The following ROCK2 variants were observed in gnomAD, a reference collection of about 807,000 sequenced individuals.
ROCK2 encodes rho-associated protein kinase 2.
A neutral mutation model predicts 195.1 loss-of-function variants in ROCK2; 61 were observed. The observed-to-expected ratio is 0.31, with a 90% confidence interval of 0.25 to 0.39. The LOEUF is 0.39. Among genes scored for constraint, ROCK2 ranks in the 10% least tolerant of loss-of-function variants. The pLI is 1.00. For missense variants in ROCK2, 1,109 were observed against 1,637.4 expected, an observed-to-expected ratio of 0.68 and a Z score of 5.57; for synonymous variants, 504 against 545.5, an observed-to-expected ratio of 0.92 and a Z score of 1.06.
chr2:11,328,811 G>T (rs9798189), intron 1 of ROCK2, among the ~76,000 whole-genome samples: 33,302 of 150,940 alleles, frequency 0.22, 4,514 homozygotes, highest in East Asian at 0.54. Flanking sequence ...GTAAACTATC[G>T]CAAGGACAAA....
At chr2:11,230,551 G>T (rs560927500) in intron 5 of ROCK2, among the ~76,000 whole-genome samples, 3 of 152,114 alleles carry the variant, frequency 2.0e-5, no homozygotes, top group Non-Finnish European at 2.9e-5. Context: ...CAGGCAGGGG[G>T]TCGTATCAGA....
At chr2:11,270,246 A>G (rs1315377930) in intron 3 of ROCK2, among the ~76,000 whole-genome samples, 1 of 152,048 alleles carries the variant, frequency 6.6e-6, no homozygotes, top group Admixed American at 6.6e-5. Context: ...GTATAGGTAA[A>G]GTGTGGTTTG....
At chr2:11,286,154 G>T (rs987021760) in intron 3 of ROCK2, among the ~76,000 whole-genome samples, 3 of 145,278 alleles carry the variant, frequency 2.1e-5, no homozygotes, top group African/African-American at 7.4e-5. Context: ...TATGGCCTGC[G>T]AAAATAAATT....
chr2:11,255,702 T>C (rs965582163), intron 3 of ROCK2, among the ~76,000 whole-genome samples: 3 of 150,440 alleles, frequency 2.0e-5, no homozygotes, highest in Non-Finnish European at 2.9e-5. Context: ...AGCGGATCAC[T>C]TGAGGTCAGG....
chr2:11,200,267 T>A (rs1298030395), intron 23 of ROCK2, among the ~76,000 whole-genome samples: 3 of 152,354 alleles, frequency 2.0e-5, no homozygotes, highest in Admixed American at 2.0e-4. Flanking sequence ...TTCTGTCATA[T>A]GCAACTTTTA....
intron 1 of ROCK2, among the ~76,000 whole-genome samples, chr2:11,303,615 A>T (rs1465352999): frequency 6.6e-6 from 1 of 152,150 alleles, no homozygotes; most frequent in Non-Finnish European, 1.5e-5. Context: ...CTTACCCTTA[A>T]GAAAAAATCC....
intron 30 of ROCK2, among the ~76,000 whole-genome samples, chr2:11,193,294 G>C (rs1181149357): frequency 3.3e-5 from 5 of 152,110 alleles, no homozygotes; most frequent in Non-Finnish European, 7.4e-5. Context: ...CTCTTACATA[G>C]AAGGAAATCA....
Position 11,297,456 on chromosome 2 carries a change from T to C in ROCK2, c.142-9720A>G, listed in dbSNP as rs186604601. ...TTTAGACCTTTTAAAAAATTACTCATTTATTATCTATAGCTCCATATCTCT... is the reference window on the plus strand; with the variant it reads ...TTTAGACCTTTTAAAAAATTACTCACTTATTATCTATAGCTCCATATCTCT... On this transcript the variant is annotated intron_variant, in intron 1 of 32. Coordinates refer to ENST00000315872, the MANE Select transcript of ROCK2 (RefSeq NM_004850.5). Among the ~76,000 whole-genome samples the C allele has an allele frequency of 7.1e-3, 1,074 of 152,256 alleles. 17 individuals are homozygous for C. The highest frequency in any genetic ancestry group is 0.025 in the African/African-American group (1,022 of 41,544).
intron 1 of ROCK2, among the ~76,000 whole-genome samples, chr2:11,291,697 T>C (rs1198594423): frequency 1.3e-5 from 2 of 152,248 alleles, no homozygotes; most frequent in Non-Finnish European, 2.9e-5. Context: ...TTTCAATTGC[T>C]AAATGAGGCA....
rs1664260802 is a variant in ROCK2, at chr2:11,211,894, T to C, written c.2044-54A>G. On this transcript the variant is annotated intron_variant, in intron 17 of 32. Transcript: ENST00000315872. Reference sequence around the variant, plus strand: ...ACAAAAAAGAGACTAGCTCACAATTTCAAAAGCTTTCTAATTTTTTTTTTT... The same window carrying C: ...ACAAAAAAGAGACTAGCTCACAATTCCAAAAGCTTTCTAATTTTTTTTTTT... The C allele has an allele frequency of 5.8e-6, 8 of 1,383,646 alleles. No individual in the cohort carries two copies. In the South Asian group the frequency reaches 1.1e-4, roughly 19 times the overall value. The allele number at this position is 1,383,646 out of a possible 1,614,324, so 85.7% of individuals were successfully genotyped here. A position where few individuals can be genotyped will look rare whatever the true frequency, so the allele number is the denominator to read the frequency against.
intron 1 of ROCK2, among the ~76,000 whole-genome samples, chr2:11,334,236 G>A (rs1668852879): frequency 6.6e-6 from 1 of 152,148 alleles, no homozygotes; most frequent in Admixed American, 6.5e-5. Context: ...AAAGAGGCCA[G>A]GCGCAGTGAC....
chr2:11,286,736 G>T, intron 2 of ROCK2, 97 bp from the exon 3 acceptor site: 1 of 730,482 alleles, frequency 1.4e-6, no homozygotes, highest in Non-Finnish European at 2.1e-6. Context: ...AGAAAAGACA[G>T]TTTTTAGCTA....
At chr2:11,265,076 T>C (rs576248405) in intron 3 of ROCK2, among the ~76,000 whole-genome samples, 20 of 151,980 alleles carry the variant, frequency 1.3e-4, no homozygotes, top group Non-Finnish European at 2.6e-4. Context: ...ACAATGGGCA[T>C]AATAGTAATA....
rs1664356681 is a variant in ROCK2 at position 11,214,458 on chromosome 2, T to G, written c.1942A>C (p.Ile648Leu). The G allele has an allele frequency of 6.3e-7, 1 of 1,590,746 alleles. No homozygotes were observed. Among genetic ancestry groups the G allele is most frequent in the Non-Finnish European group, 8.6e-7 (1 of 1,163,626 alleles). Reference protein sequence around the residue: ...SEIINDLQGRICGLEEDLKNG... With the variant: ...SEIINDLQGRLCGLEEDLKNG... ...TTTAAATCTTCTTCTAGGCCACATA[T>G]TCTACCTAAAAATTGCAACGTTTTT... The change falls in exon 17 of 33, where the codon ATA (isoleucine) becomes CTA (leucine). Residue 648 changes from isoleucine to leucine, a missense_variant. Physicochemically the swap from Ile to Leu is conservative, Grantham distance 5 (BLOSUM62 2). Transcript: ENST00000315872.
At chr2:11,289,250 C>G (rs1667290291) in intron 1 of ROCK2, among the ~76,000 whole-genome samples, 1 of 152,110 alleles carries the variant, frequency 6.6e-6, no homozygotes, top group Non-Finnish European at 1.5e-5. Context: ...CCCTCCCACA[C>G]ACATACACAT....
At chr2:11,312,092 C>G (rs1019052361) in intron 1 of ROCK2, among the ~76,000 whole-genome samples, 1 of 152,164 alleles carries the variant, frequency 6.6e-6, no homozygotes, top group Non-Finnish European at 1.5e-5. Context: ...TGCCACTCTT[C>G]TCACTAAACT....
intron 1 of ROCK2, among the ~76,000 whole-genome samples, chr2:11,312,064 T>C (rs1229702777): frequency 6.6e-6 from 1 of 152,156 alleles, no homozygotes; most frequent in Non-Finnish European, 1.5e-5. Context: ...ACTAAAGATT[T>C]GCAAAATTAC....
rs572213426 is a variant in ROCK2 at position 11,263,549 on chromosome 2, T to C, written c.325-13751A>G. On this transcript the variant is annotated intron_variant, in intron 3 of 32. Transcript: ENST00000315872. Reference sequence around the variant, plus strand: ...GTAGAACAGCTATGAATCCCTGATGTAAATGCCAAAAGTACTTGAAAGACA... The same window carrying C: ...GTAGAACAGCTATGAATCCCTGATGCAAATGCCAAAAGTACTTGAAAGACA... Among the ~76,000 whole-genome samples the C allele has an allele frequency of 6.0e-5, 9 of 150,408 alleles. No homozygotes were observed. In the East Asian group the frequency reaches 1.6e-3, roughly 26 times the overall value.
intron 23 of ROCK2, 50 bp downstream of exon 23, chr2:11,200,907 G>T: frequency 6.7e-7 from 1 of 1,485,914 alleles, no homozygotes; most frequent in Non-Finnish European, 9.1e-7. Flanking sequence ...GAAGGTTTAA[G>T]ATATAGCAAT....
Sources: allele counts gnomAD v4.1 joint callset (sites outside exome capture counted in the v4.1 genomes callset), GRCh38; gene constraint gnomAD v4.1.1; transcripts MANE v1.5; gene names NCBI Gene and HGNC (gene_info 2026-07-23, HGNC 2026-07-21).